The following KAZN variants were observed in gnomAD, a reference collection of about 807,000 sequenced individuals.
KAZN encodes the protein kazrin.
KAZN carries 40 observed loss-of-function variants against 87.4 expected under a neutral mutation model. The ratio of observed to expected loss-of-function variants is 0.46; its 90% CI spans 0.36 to 0.60. KAZN has a LOEUF of 0.60. Among genes scored for constraint, KAZN ranks in the 20% least tolerant of loss-of-function variants. The probability of loss-of-function intolerance (pLI) is 0.00; values close to 1 mark genes in which losing one functional copy is unlikely to be tolerated. For synonymous variants in KAZN, 466 were observed against 458.3 expected, an observed-to-expected ratio of 1.02 and a Z score of -0.22; for missense variants, 898 against 1,073.9, an observed-to-expected ratio of 0.84 and a Z score of 2.29.
intron 2 of KAZN, among the ~76,000 whole-genome samples, chr1:14,375,868 A>G (rs1262487556): frequency 1.0e-4 from 15 of 147,364 alleles, no homozygotes; most frequent in African/African-American, 3.8e-4. Context: ...GGCCTGGGCG[A>G]CAGAACAAGA....
chr1:14,142,002 G>T (rs1645250068), intron 1 of KAZN, among the ~76,000 whole-genome samples: 1 of 151,936 alleles, frequency 6.6e-6, no homozygotes, highest in Non-Finnish European at 1.5e-5. Context: ...GCTATAAAGA[G>T]TACATTTTTG....
At chr1:13,978,274 C>T (rs2359900) in intron 1 of KAZN, among the ~76,000 whole-genome samples, 136,613 of 152,096 alleles carry the variant, frequency 0.9, 61,606 homozygotes, top group Middle Eastern at 0.95. Context: ...CTAGAGCCTA[C>T]GTAGTTTTCA....
At position 15,071,094 on chromosome 1, in the gene KAZN, A is replaced by T. The variant is rs72639875; in HGVS notation, c.1222+5341A>T. Among the ~76,000 whole-genome samples the T allele has an allele frequency of 8.4e-3, 1,283 of 152,348 alleles. 29 individuals carry two copies. The highest frequency in any genetic ancestry group is 0.073 in the East Asian group (376 of 5,174). ...TATATTCGTAATTCTGCATTACAAA[A>T]TAATGCCCCCAAACTTACAAATATC... On this transcript the variant is annotated intron_variant, in intron 8 of 14. Transcript: ENST00000376030.
At chr1:14,346,038 T>G (rs1174641360) in intron 2 of KAZN, among the ~76,000 whole-genome samples, 1 of 152,192 alleles carries the variant, frequency 6.6e-6, no homozygotes, top group East Asian at 1.9e-4. Context: ...AGAAAGTACA[T>G]GAATGAAAAA....
At chr1:14,425,204 A>G (rs1665654654) in intron 2 of KAZN, among the ~76,000 whole-genome samples, 1 of 152,134 alleles carries the variant, frequency 6.6e-6, no homozygotes, top group African/African-American at 2.4e-5. Flanking sequence ...CTCACATTGC[A>G]TTTGCAATGC....
At chr1:14,485,355 G>A (rs1043293324) in intron 2 of KAZN, among the ~76,000 whole-genome samples, 3 of 152,154 alleles carry the variant, frequency 2.0e-5, no homozygotes, top group African/African-American at 7.2e-5. Flanking sequence ...GTCTTTATGA[G>A]GTAGGAGGTG....
intron 1 of KAZN, among the ~76,000 whole-genome samples, chr1:14,926,311 G>T (rs192222769): frequency 3.9e-5 from 6 of 152,310 alleles, no homozygotes; most frequent in African/African-American, 1.4e-4. Flanking sequence ...AGATAGGGCT[G>T]TTTACTTTGT....
At chr1:15,013,938 G>A (rs945183549) in intron 2 of KAZN, among the ~76,000 whole-genome samples, 2 of 152,070 alleles carry the variant, frequency 1.3e-5, no homozygotes, top group African/African-American at 2.4e-5. Context: ...TAGAGAAATC[G>A]TTGCTCTGCA....
chr1:14,160,969 G>A (rs953755968), intron 1 of KAZN, among the ~76,000 whole-genome samples: 11 of 152,324 alleles, frequency 7.2e-5, no homozygotes, highest in Non-Finnish European at 7.4e-5. Flanking sequence ...TAATGGTTGT[G>A]TTATGACTTA....
intron 2 of KAZN, among the ~76,000 whole-genome samples, chr1:14,387,647 C>T (rs1157103232): frequency 2.0e-5 from 3 of 152,148 alleles, no homozygotes; most frequent in South Asian, 2.1e-4. Context: ...GTCAGGGACC[C>T]ACTTGAGGAG....
intron 2 of KAZN, among the ~76,000 whole-genome samples, chr1:14,589,106 A>G (rs1212205698): frequency 6.6e-6 from 1 of 152,034 alleles, no homozygotes; most frequent in African/African-American, 2.4e-5. Context: ...TTCTTTCTCA[A>G]AAGGAAAGAC....
chr1:15,103,137 G>T (rs185339415), intron 11 of KAZN, among the ~76,000 whole-genome samples: 1 of 152,188 alleles, frequency 6.6e-6, no homozygotes, highest in Non-Finnish European at 1.5e-5. Flanking sequence ...TGTGGTGGCA[G>T]GTGCCTGTAA....
chr1:14,264,587 C>G (rs944456490), intron 2 of KAZN, among the ~76,000 whole-genome samples: 6 of 152,174 alleles, frequency 3.9e-5, no homozygotes, highest in Admixed American at 3.3e-4. Context: ...TCTTGCCCTT[C>G]TACCATCTGC....
At chr1:14,920,379 C>G (rs971185648) in intron 1 of KAZN, among the ~76,000 whole-genome samples, 1 of 151,216 alleles carries the variant, frequency 6.6e-6, no homozygotes, top group Non-Finnish European at 1.5e-5. Flanking sequence ...AGCCTCCCCA[C>G]CCCCTGTCTG....
chr1:14,792,617 A>G (rs563925575), intron 1 of KAZN, among the ~76,000 whole-genome samples: 1 of 152,254 alleles, frequency 6.6e-6, no homozygotes, highest in East Asian at 1.9e-4. Context: ...TGTGCCAAGC[A>G]GAGGGAACAG....
intron 2 of KAZN, among the ~76,000 whole-genome samples, chr1:14,500,251 C>T (rs184451235): frequency 3.3e-4 from 50 of 152,078 alleles, no homozygotes; most frequent in Admixed American, 3.9e-4. Flanking sequence ...TCATATCCTA[C>T]GCTGGCATGT....
chr1:14,155,714 A>G (rs1214244650), intron 1 of KAZN, among the ~76,000 whole-genome samples: 1 of 152,114 alleles, frequency 6.6e-6, no homozygotes. Flanking sequence ...CAGTGGCACC[A>G]TCTTGGCTCA....
rs58466983 is a variant in KAZN, at chr1:14,956,317, A to AAAAAT, written c.227-4367_227-4366insAAAAT. 5.0e-3 allele frequency among the ~76,000 whole-genome samples: 751 copies of AAAAAT among 150,644 alleles called. 11 individuals are homozygous for AAAAAT. Among genetic ancestry groups the AAAAAT allele is most frequent in the African/African-American group, 0.018 (718 of 40,990 alleles). ...AGTCACTGAAAAAAAAAAAAAAAAA[A>AAAAAT]GACCCAGCACGGTGGCTCCCACCTG... On this transcript the variant is annotated intron_variant, in intron 1 of 14. Coordinates refer to ENST00000376030, the MANE Select transcript of KAZN (RefSeq NM_201628.3).
intron 2 of KAZN, among the ~76,000 whole-genome samples, chr1:14,230,598 C>G (rs1647726472): frequency 6.6e-6 from 1 of 152,242 alleles, no homozygotes; most frequent in South Asian, 2.1e-4. Context: ...TTTACACTAC[C>G]TTCTAACTAG....
Sources: allele counts gnomAD v4.1 joint callset (sites outside exome capture counted in the v4.1 genomes callset), GRCh38; gene constraint gnomAD v4.1.1; transcripts MANE v1.5; gene names NCBI Gene and HGNC (gene_info 2026-07-23, HGNC 2026-07-21).